Variants in CDK8 observed in about 807,000 individuals in gnomAD.
The protein encoded by CDK8 is cyclin-dependent kinase 8.
Under a neutral mutation model 71.5 loss-of-function variants are expected in CDK8, and 29 were observed. The observed-to-expected ratio is 0.41, with a 90% confidence interval of 0.30 to 0.55. The LOEUF (loss-of-function observed/expected upper bound fraction) is 0.55, where lower values mean the gene tolerates loss of function less well. CDK8 is among the 20% of genes least tolerant of loss of function. CDK8 has a pLI of 0.37. For missense variants in CDK8, 288 were observed against 572.6 expected (o/e 0.50, Z 5.07); for synonymous variants, 161 against 192.1 (o/e 0.84, Z 1.34).
At chr13:26,343,604 C>T (rs1873337452) in intron 2 of CDK8, among the ~76,000 whole-genome samples, 1 of 152,122 alleles carries the variant, frequency 6.6e-6, no homozygotes, top group Admixed American at 6.5e-5. Flanking sequence ...ATGGGGCTTG[C>T]AGGTCTGAAC....
chr13:26,288,590 C>T (rs189536334), intron 1 of CDK8, among the ~76,000 whole-genome samples: 24 of 151,018 alleles, frequency 1.6e-4, no homozygotes, highest in Middle Eastern at 6.8e-3. Context: ...CCCCACCCCA[C>T]CCCCCACAAA....
intron 6 of CDK8, among the ~76,000 whole-genome samples, chr13:26,390,171 C>T (rs1234867067): frequency 6.6e-6 from 1 of 152,200 alleles, no homozygotes; most frequent in East Asian, 1.9e-4. Context: ...CCAAGAACTT[C>T]CCCAGCATTT....
intron 2 of CDK8, among the ~76,000 whole-genome samples, chr13:26,341,091 C>A (rs1032000724): frequency 6.6e-6 from 1 of 152,142 alleles, no homozygotes; most frequent in African/African-American, 2.4e-5. Context: ...CTGGACTTGA[C>A]TTTTCTACTC....
intron 6 of CDK8, among the ~76,000 whole-genome samples, chr13:26,388,077 A>C (rs917918892): frequency 6.6e-6 from 1 of 152,226 alleles, no homozygotes; most frequent in Non-Finnish European, 1.5e-5. Context: ...TTTGCTGTCA[A>C]TTAAATGTAG....
At chr13:26,344,016 C>A (rs1238695204) in intron 2 of CDK8, among the ~76,000 whole-genome samples, 1 of 152,058 alleles carries the variant, frequency 6.6e-6, no homozygotes, top group Non-Finnish European at 1.5e-5. Context: ...AGCATAGTTA[C>A]CAACAGTTTT....
At chr13:26,397,093 T>C in intron 8 of CDK8, 60 bp from the exon 9 acceptor site, 1 of 920,764 alleles carries the variant, frequency 1.1e-6, no homozygotes, top group Non-Finnish European at 1.8e-6. Context: ...AGAAGGACTT[T>C]AGCCAATGTA....
intron 1 of CDK8, among the ~76,000 whole-genome samples, chr13:26,303,716 A>T (rs755290363): frequency 6.6e-6 from 1 of 152,174 alleles, no homozygotes; most frequent in Non-Finnish European, 1.5e-5. Flanking sequence ...TCCTTTTATG[A>T]TCCAGGATAT....
At chr13:26,288,047 C>T (rs569082337) in intron 1 of CDK8, among the ~76,000 whole-genome samples, 25 of 152,182 alleles carry the variant, frequency 1.6e-4, no homozygotes, top group East Asian at 5.8e-4. Context: ...ACTGCAACCT[C>T]TCCCTCTCCG....
At chr13:26,366,568 A>G (rs928227964) in intron 4 of CDK8, among the ~76,000 whole-genome samples, 6 of 152,126 alleles carry the variant, frequency 3.9e-5, no homozygotes, top group African/African-American at 1.4e-4. Flanking sequence ...TCTATTTTTT[A>G]TTATTTAATT....
intron 5 of CDK8, 76 bp from the exon 6 acceptor site, chr13:26,385,132 TAAG>T: frequency 8.4e-7 from 1 of 1,183,506 alleles, no homozygotes; most frequent in South Asian, 1.5e-5. Flanking sequence ...TCTTACTGAA[TAAG>T]ATGGTAAATT....
intron 1 of CDK8, among the ~76,000 whole-genome samples, chr13:26,288,227 G>A (rs1873117587): frequency 6.6e-6 from 1 of 152,204 alleles, no homozygotes; most frequent in Non-Finnish European, 1.5e-5. Context: ...CTCCTAAAGT[G>A]CTGGGGTTAC....
intron 1 of CDK8, among the ~76,000 whole-genome samples, chr13:26,299,309 G>A (rs1334138237): frequency 3.3e-5 from 5 of 152,122 alleles, no homozygotes; most frequent in African/African-American, 1.2e-4. Context: ...TGGAGATATA[G>A]CCTGAGAAAT....
intron 1 of CDK8, among the ~76,000 whole-genome samples, chr13:26,285,805 T>C (rs908299997): frequency 3.3e-5 from 5 of 152,048 alleles, no homozygotes; most frequent in African/African-American, 1.2e-4. Context: ...GGATACAAAA[T>C]CAGCGTACAC....
chr13:26,364,772 A>G (rs1421404407), intron 4 of CDK8, among the ~76,000 whole-genome samples: 6 of 152,208 alleles, frequency 3.9e-5, no homozygotes, highest in Admixed American at 3.9e-4. Context: ...ATAGCCATAT[A>G]TACACTTTCT....
chr13:26,325,720 G>A (rs1874985947), intron 1 of CDK8, among the ~76,000 whole-genome samples: 1 of 152,076 alleles, frequency 6.6e-6, no homozygotes, highest in Admixed American at 6.6e-5. Flanking sequence ...GGGTTCTCTT[G>A]GTACTGGCCG....
Position 26,254,835 on chromosome 13 carries a change from C to T in CDK8, c.128+66C>T, listed in dbSNP as rs1266234574. The T allele has an allele frequency of 1.3e-6, 2 of 1,579,932 alleles. No individual in the cohort carries two copies. The highest frequency in any genetic ancestry group is 1.7e-4 in the Middle Eastern group (1 of 5,786). ...GCTCCCGCAGGCCGAGGCAGGTAGC[C>T]CGGAGGGAGAGCGGGCCGCCGGGGT... On this transcript the variant is annotated intron_variant, in intron 1 of 12. Coordinates refer to ENST00000381527, the MANE Select transcript of CDK8 (RefSeq NM_001260.3). This position sits in a 1 kb window ranked among gnomAD's most constrained non-coding sequence, Gnocchi z 6.7.
rs1053532467 is a variant in CDK8 at position 26,308,608 on chromosome 13, T to C, written c.129-28959T>C. Among the ~76,000 whole-genome samples the C allele has an allele frequency of 3.3e-5, 5 of 152,268 alleles. 1 individual carries two copies. Among genetic ancestry groups the C allele is most frequent in the African/African-American group, 9.6e-5 (4 of 41,476 alleles). On this transcript the variant is annotated intron_variant, in intron 1 of 12. Transcript: ENST00000381527. ...AGTATTACATAAATTACCTTCCTGATCTTGGTAGATATTTGAGTTTGCTAT... is the reference window on the plus strand; with the variant it reads ...AGTATTACATAAATTACCTTCCTGACCTTGGTAGATATTTGAGTTTGCTAT...
intron 1 of CDK8, among the ~76,000 whole-genome samples, chr13:26,300,522 T>C (rs916677311): frequency 1.5e-4 from 23 of 152,292 alleles, no homozygotes; most frequent in Middle Eastern, 3.4e-3. Context: ...CAACCATGGA[T>C]TGGGCGGGGG....
Position 26,271,366 on chromosome 13 carries a change from A to G in CDK8, c.128+16597A>G, listed in dbSNP as rs181700523. Among the ~76,000 whole-genome samples the G allele has an allele frequency of 1.7e-3, 252 of 152,290 alleles. 3 individuals are homozygous for G. Among genetic ancestry groups the G allele is most frequent in the South Asian group, 6.4e-3 (31 of 4,824 alleles). On this transcript the variant is annotated intron_variant, in intron 1 of 12. Coordinates refer to ENST00000381527, the MANE Select transcript of CDK8 (RefSeq NM_001260.3). ...GTATAGCCTACAACACACCTAGGCTATATGGTGTAGCCTATTGCTTAGTCT... is the reference window on the plus strand; with the variant it reads ...GTATAGCCTACAACACACCTAGGCTGTATGGTGTAGCCTATTGCTTAGTCT...
Sources: allele counts gnomAD v4.1 joint callset (sites outside exome capture counted in the v4.1 genomes callset), GRCh38; gene constraint gnomAD v4.1.1; non-coding constraint Gnocchi (gnomAD v3.1); transcripts MANE v1.5; gene names NCBI Gene and HGNC (gene_info 2026-07-23, HGNC 2026-07-21).